MIPEP: variants seen among roughly 807,000 people sequenced by gnomAD.
MIPEP encodes the protein mitochondrial intermediate peptidase.
Under a neutral mutation model 90.3 loss-of-function variants are expected in MIPEP, and 79 were observed. The observed-to-expected ratio is 0.87, with a 90% CI of 0.73 to 1.05. MIPEP has a LOEUF of 1.05. Among genes scored for constraint, MIPEP ranks in the 50% least tolerant of loss-of-function variants. The pLI is 0.00. For synonymous variants in MIPEP, 334 were observed against 315.8 expected (o/e 1.06, Z -0.61); for missense variants, 940 against 905.6 (o/e 1.04, Z -0.49).
chr13:23,742,509 T>A (rs1033354179), intron 18 of MIPEP, among the ~76,000 whole-genome samples: 1 of 152,230 alleles, frequency 6.6e-6, no homozygotes. Flanking sequence ...AGATACAGCA[T>A]TTAACACACA....
chr13:23,771,530 T>TACACACACACACAC (rs3077653), intron 16 of MIPEP, among the ~76,000 whole-genome samples: 108 of 146,082 alleles, frequency 7.4e-4, no homozygotes, highest in African/African-American at 2.6e-3. Flanking sequence ...ATTTGCTGAC[T>TACACACACACACAC]ACACACACAC....
Position 23,760,606 on chromosome 13 carries a change from A to G in MIPEP, c.1849-389T>C, listed in dbSNP as rs768742506. 7.6e-6 allele frequency: 4 copies of G among 528,940 alleles called. No individual in the cohort carries two copies. In the East Asian group the frequency reaches 1.6e-4, roughly 22 times the overall value. 32.8% of individuals were successfully genotyped at this position (528,940 alleles called of 1,614,324 possible). A position where few individuals can be genotyped will look rare whatever the true frequency, so the allele number is the denominator to read the frequency against. ...AGGAAAGGCTGTCTGCAAGCCAAAG[A>G]GGCCTCGGGAGAAGCCAGATCTGCT... On this transcript the variant is annotated intron_variant, in intron 16 of 18. Coordinates refer to ENST00000382172, the MANE Select transcript of MIPEP (RefSeq NM_005932.4).
intron 16 of MIPEP, among the ~76,000 whole-genome samples, chr13:23,776,643 T>C (rs1952720145): frequency 6.6e-6 from 1 of 152,216 alleles, no homozygotes; most frequent in African/African-American, 2.4e-5. Flanking sequence ...TTTAGTGTTC[T>C]AAATAATTTA....
In MIPEP at chr13:23,760,043, G is replaced by A. The variant is rs1046801523; in HGVS notation, c.1970+53C>T. On this transcript the variant is annotated intron_variant, in intron 17 of 18. Transcript: ENST00000382172. ...GAGCCCGACTTCCAGATGTAATAGA[G>A]TGGGGAATTACTGTGGTCCAAGATG... 5.0e-6 allele frequency: 8 copies of A among 1,609,826 alleles called. No individual in the cohort carries two copies. The South Asian group carries it at 7.7e-5, about 15-fold the overall frequency.
In MIPEP at chr13:23,737,132, C is replaced by T. The variant is rs77591539; in HGVS notation, c.2045-6687G>A. Reference sequence around the variant, plus strand: ...CACTTGTACCCAACTTACACGGCTTCCGTTCTGTGGAGCACACTTTACAAG... The same window carrying T: ...CACTTGTACCCAACTTACACGGCTTTCGTTCTGTGGAGCACACTTTACAAG... On this transcript the variant is annotated intron_variant, in intron 18 of 18. Coordinates refer to ENST00000382172, the MANE Select transcript of MIPEP (RefSeq NM_005932.4). 8.3e-3 allele frequency among the ~76,000 whole-genome samples: 1,260 copies of T among 152,322 alleles called. 26 individuals are homozygous for T. Among genetic ancestry groups the T allele is most frequent in the African/African-American group, 0.029 (1,206 of 41,566 alleles).
At chr13:23,786,448 A>C (rs1056683041) in intron 16 of MIPEP, among the ~76,000 whole-genome samples, 2 of 152,206 alleles carry the variant, frequency 1.3e-5, no homozygotes, top group African/African-American at 4.8e-5. Flanking sequence ...CATACAAGCA[A>C]AACAACAAAA....
intron 10 of MIPEP, among the ~76,000 whole-genome samples, chr13:23,856,391 T>G (rs1026672469): frequency 6.6e-6 from 1 of 152,162 alleles, no homozygotes; most frequent in Non-Finnish European, 1.5e-5. Flanking sequence ...TGAGTAGAGA[T>G]GTTTCTTTCT....
intron 16 of MIPEP, among the ~76,000 whole-genome samples, chr13:23,766,416 T>C (rs904842622): frequency 1.3e-5 from 2 of 152,252 alleles, no homozygotes; most frequent in African/African-American, 4.8e-5. Flanking sequence ...AGCAAGTTCC[T>C]GAGCTCGTCT....
intron 16 of MIPEP, among the ~76,000 whole-genome samples, chr13:23,802,497 G>A (rs1229000511): frequency 6.6e-6 from 1 of 152,128 alleles, no homozygotes; most frequent in Non-Finnish European, 1.5e-5. Context: ...GAACCCAGGA[G>A]GCAAAGGTTG....
chr13:23,776,132 C>T (rs1010831151), intron 16 of MIPEP, among the ~76,000 whole-genome samples: 7 of 152,090 alleles, frequency 4.6e-5, no homozygotes, highest in African/African-American at 1.4e-4. Flanking sequence ...TTTTTGCCTG[C>T]AGCTTATATC....
At chr13:23,773,630 C>T (rs1038219355) in intron 16 of MIPEP, among the ~76,000 whole-genome samples, 8 of 152,224 alleles carry the variant, frequency 5.3e-5, no homozygotes, top group Admixed American at 5.2e-4. Context: ...ACACTTGCTA[C>T]TGCCCATCTT....
chr13:23,833,087 C>T (rs184849700), intron 14 of MIPEP, among the ~76,000 whole-genome samples: 92 of 152,286 alleles, frequency 6.0e-4, no homozygotes, highest in Non-Finnish European at 8.5e-4. Context: ...TTAAAAAAAT[C>T]CTTTCCTGAA....
At position 23,781,357 on chromosome 13, in the gene MIPEP, C is replaced by T. The variant is rs2137361678; in HGVS notation, c.1849-21140G>A. Among the ~76,000 whole-genome samples the T allele has an allele frequency of 1.3e-5, 2 of 152,216 alleles. 1 individual carries two copies. The highest frequency in any genetic ancestry group is 3.9e-4 in the East Asian group (2 of 5,188). ...GAATTTCATATCCAGCCAAACTAAGCTTCATAAGTGAAGGAGAAATAAAAT... is the reference window on the plus strand; with the variant it reads ...GAATTTCATATCCAGCCAAACTAAGTTTCATAAGTGAAGGAGAAATAAAAT... On this transcript the variant is annotated intron_variant, in intron 16 of 18. Coordinates refer to ENST00000382172, the MANE Select transcript of MIPEP (RefSeq NM_005932.4).
At chr13:23,846,837 TGA>T (rs1566015721) in intron 10 of MIPEP, among the ~76,000 whole-genome samples, 2 of 152,144 alleles carry the variant, frequency 1.3e-5, no homozygotes, top group East Asian at 3.9e-4. Context: ...ATGATGATGA[TGA>T]TGATGATGAT....
chr13:23,801,112 A>C (rs915529774), intron 16 of MIPEP, among the ~76,000 whole-genome samples: 20 of 152,242 alleles, frequency 1.3e-4, no homozygotes, highest in African/African-American at 4.3e-4. Context: ...ATTTGGGGGA[A>C]TAAAAGGATT....
chr13:23,792,627 G>A (rs1952910074), intron 16 of MIPEP, among the ~76,000 whole-genome samples: 1 of 152,204 alleles, frequency 6.6e-6, no homozygotes, highest in Non-Finnish European at 1.5e-5. Context: ...CAAAGTGCTA[G>A]GATTACAGGT....
At chr13:23,881,341 T>C (rs1301819535) in intron 3 of MIPEP, among the ~76,000 whole-genome samples, 1 of 152,196 alleles carries the variant, frequency 6.6e-6, no homozygotes, top group East Asian at 1.9e-4. Flanking sequence ...TTAAGGTAAG[T>C]GATAATGGTG....
chr13:23,803,750 G>A (rs1340478820), intron 16 of MIPEP, among the ~76,000 whole-genome samples: 3 of 152,264 alleles, frequency 2.0e-5, no homozygotes, highest in African/African-American at 2.4e-5. Context: ...ACTTGATGTC[G>A]GGAATGTTAT....
rs544414482 is a variant in MIPEP at position 23,842,870 on chromosome 13, T to C, written c.1107-1382A>G. ...ATCCCAGCACTTTGGGAGGCTGAGGTGGGTGGATCATGAGGTCAGGAGTTC... is the reference window on the plus strand; with the variant it reads ...ATCCCAGCACTTTGGGAGGCTGAGGCGGGTGGATCATGAGGTCAGGAGTTC... On this transcript the variant is annotated intron_variant, in intron 10 of 18. Coordinates refer to ENST00000382172, the MANE Select transcript of MIPEP (RefSeq NM_005932.4). Among the ~76,000 whole-genome samples, 4 of 151,218 alleles carry C rather than the reference T, an allele frequency of 2.6e-5. No individual in the cohort carries two copies. In the East Asian group the frequency reaches 7.8e-4, roughly 30 times the overall value.
Sources: allele counts gnomAD v4.1 joint callset (sites outside exome capture counted in the v4.1 genomes callset), GRCh38; gene constraint gnomAD v4.1.1; transcripts MANE v1.5; gene names NCBI Gene and HGNC (gene_info 2026-07-23, HGNC 2026-07-21).